SSC5D: variants seen among roughly 807,000 people sequenced by gnomAD.
SSC5D encodes the protein scavenger receptor cysteine rich family member with 5 domains, also known as soluble scavenger receptor cysteine-rich domain-containing protein SSC5D.
SSC5D carries 106 observed loss-of-function variants against 104.6 expected under a neutral mutation model. The ratio of observed to expected loss-of-function variants is 1.01; its 90% CI spans 0.87 to 1.19. The LOEUF is 1.19. Among genes scored for constraint, SSC5D ranks in the 50% most tolerant of loss-of-function variants. The pLI is 0.00. For missense variants in SSC5D, 1,993 were observed against 2,153.8 expected (o/e 0.93, Z 1.48); for synonymous variants, 860 against 883.5 (o/e 0.97, Z 0.47).
intron 12 of SSC5D, among the ~76,000 whole-genome samples, chr19:55,510,702 TTC>T (rs1227369228): frequency 6.6e-6 from 1 of 151,938 alleles, no homozygotes; most frequent in Non-Finnish European, 1.5e-5. Context: ...GGACTATTTT[TTC>T]TTTTTTCTTT....
chr19:55,502,520 C>A (rs545872591), intron 12 of SSC5D, among the ~76,000 whole-genome samples: 1 of 151,958 alleles, frequency 6.6e-6, no homozygotes, highest in Non-Finnish European at 1.5e-5. Flanking sequence ...GTTTCATTAT[C>A]AGTCTCACAC....
At chr19:55,511,020 CT>C in intron 12 of SSC5D, among the ~76,000 whole-genome samples, 1 of 152,194 alleles carries the variant, frequency 6.6e-6, no homozygotes, top group East Asian at 1.9e-4. Context: ...CTCAGGTGAT[CT>C]GCCTGCCTCG....
At chr19:55,508,252 G>A (rs1260358424) in intron 12 of SSC5D, among the ~76,000 whole-genome samples, 1 of 152,168 alleles carries the variant, frequency 6.6e-6, no homozygotes, top group African/African-American at 2.4e-5. Flanking sequence ...CTGGGAAGCC[G>A]GGGAGACCCG....
intron 3 of SSC5D, 45 bp downstream of exon 3, chr19:55,489,707 A>G: frequency 6.6e-7 from 1 of 1,517,400 alleles, no homozygotes; most frequent in Non-Finnish European, 8.8e-7. Flanking sequence ...TCCTTTGGAG[A>G]TGACCCAGGA....
rs1320066950 is a variant in SSC5D, at chr19:55,493,671, CTGGGGGTCGG to C, written c.975_984del (p.Trp325CysfsTer108). ...GCCTGGAGGTCTGGCACGGGGGTCG[CTGGGGGTCGG>C]TGTGTGACGACGCCTGGGACCTGCG... is the stretch of plus-strand genomic sequence containing the variant. On this transcript the variant is annotated frameshift_variant, in exon 7 of 14. Coordinates refer to ENST00000389623, the MANE Select transcript of SSC5D (RefSeq NM_001144950.2). LOFTEE classifies it high-confidence loss of function. The C allele has an allele frequency of 1.3e-6, 2 of 1,508,524 alleles. No individual in the cohort carries two copies. Among genetic ancestry groups the C allele is most frequent in the Non-Finnish European group, 8.8e-7 (1 of 1,135,298 alleles). 93.4% of individuals were successfully genotyped at this position (1,508,524 alleles called of 1,614,324 possible).
At chr19:55,502,852 G>A (rs1987541794) in intron 12 of SSC5D, among the ~76,000 whole-genome samples, 1 of 151,910 alleles carries the variant, frequency 6.6e-6, no homozygotes, top group Non-Finnish European at 1.5e-5. Context: ...GTCTTGCTGT[G>A]TTGCCCAGGC....
intron 8 of SSC5D, 140 bp from the exon 9 acceptor site, chr19:55,497,740 C>T: frequency 1.2e-6 from 1 of 839,708 alleles, no homozygotes; most frequent in Non-Finnish European, 1.8e-6. Context: ...TACTTGCTGC[C>T]TGGAGGAAAG....
At chr19:55,493,994 G>A in intron 7 of SSC5D, 82 bp downstream of exon 7, 3 of 143,312 alleles carry the variant, frequency 2.1e-5, no homozygotes, top group Non-Finnish European at 2.9e-5. Flanking sequence ...GGGCGGGGGG[G>A]TCCCTACGCG....
chr19:55,494,894 G>A, intron 8 of SSC5D, 111 bp downstream of exon 8: 2 of 1,250,402 alleles, frequency 1.6e-6, no homozygotes, highest in South Asian at 1.7e-5. Context: ...GTGGAGAAGA[G>A]GAGCACAGGG....
intron 12 of SSC5D, among the ~76,000 whole-genome samples, chr19:55,507,926 C>T (rs1987674891): frequency 6.6e-6 from 1 of 151,884 alleles, no homozygotes; most frequent in African/African-American, 2.4e-5. Context: ...ATCAGGGTGG[C>T]AGTGGAGACC....
At chr19:55,510,106 T>G (rs957931926) in intron 12 of SSC5D, among the ~76,000 whole-genome samples, 14 of 151,976 alleles carry the variant, frequency 9.2e-5, no homozygotes, top group African/African-American at 3.1e-4. Flanking sequence ...CAAGTGATTC[T>G]CATGCCTCAG....
rs114205326 is a variant in SSC5D at position 55,500,542 on chromosome 19, G to A, written c.2355G>A (p.Leu785=). ...ADGPNRCAGR[L]EVWHAGRWGT... is the part of the protein sequence containing the mutation. ...GGCCCAACCGCTGTGCTGGCCGGCT[G>A]GAAGTGTGGCATGCCGGACGCTGGG... The change falls in exon 11 of 14, where the codon CTG becomes CTA. Residue 785 remains leucine (L), a synonymous_variant. Coordinates refer to ENST00000389623, the MANE Select transcript of SSC5D (RefSeq NM_001144950.2). This position sits in a 1 kb window ranked among gnomAD's most constrained non-coding sequence, Gnocchi z 4.6. 1.7e-3 allele frequency: 2,593 copies of A among 1,551,734 alleles called. 43 individuals carry two copies. In the African/African-American group the frequency reaches 0.031, roughly 19 times the overall value.
intron 9 of SSC5D, 34 bp from the exon 10 acceptor site, chr19:55,499,782 T>C: frequency 6.6e-7 from 1 of 1,513,514 alleles, no homozygotes; most frequent in Non-Finnish European, 9.0e-7. Flanking sequence ...TCATGGTGTC[T>C]CTGTCTTCTC....
intron 12 of SSC5D, among the ~76,000 whole-genome samples, chr19:55,502,734 C>G (rs533167657): frequency 6.6e-6 from 1 of 152,166 alleles, no homozygotes; most frequent in African/African-American, 2.4e-5. Flanking sequence ...CAGTTCACTG[C>G]AGCCTTGAAC....
At chr19:55,489,793 C>T in intron 3 of SSC5D, 89 bp from the exon 4 acceptor site, 1 of 1,477,842 alleles carries the variant, frequency 6.8e-7, no homozygotes, top group Non-Finnish European at 9.2e-7. Context: ...CCCTCCAAAG[C>T]CAGGTGGCTA....
intron 12 of SSC5D, among the ~76,000 whole-genome samples, chr19:55,504,642 A>G (rs1476126912): frequency 9.9e-5 from 15 of 152,180 alleles, no homozygotes; most frequent in African/African-American, 3.1e-4. Flanking sequence ...CTGGGATTAC[A>G]GGCGCACGCC....
chr19:55,496,814 G>A (rs968195011), intron 8 of SSC5D, among the ~76,000 whole-genome samples: 1 of 148,170 alleles, frequency 6.7e-6, no homozygotes, highest in South Asian at 2.2e-4. Flanking sequence ...GCAGTGGCAC[G>A]ATCTTGGCTC....
chr19:55,495,211 C>A (rs1358159717), intron 8 of SSC5D, among the ~76,000 whole-genome samples: 1 of 53,030 alleles, frequency 1.9e-5, no homozygotes, highest in Non-Finnish European at 3.5e-5. Context: ...CTGCCTGCCT[C>A]CTTTCATATA....
chr19:55,490,956 A>G lies in SSC5D; in HGVS notation c.771A>G (p.Ala257=). The change falls in exon 6 of 14, where the codon GCA becomes GCG. Residue 257 remains alanine, a synonymous_variant. Coordinates refer to ENST00000389623, the MANE Select transcript of SSC5D (RefSeq NM_001144950.2). ...GCGGTGCCAGATTCGGGCCTGGTGC[A>G]GGGCCCGTGTGGATGGACGATGTGG... is the stretch of plus-strand genomic sequence containing the variant. ...APGGARFGPG[A]GPVWMDDVGC... 1 of 1,545,706 alleles carries G rather than the reference A, an allele frequency of 6.5e-7. No homozygotes were observed. The highest frequency in any genetic ancestry group is 8.7e-7 in the Non-Finnish European group (1 of 1,144,588).
Sources: gnomAD v4.1 joint callset for allele counts (sites outside exome capture counted in the v4.1 genomes callset) on GRCh38, gnomAD v4.1.1 for gene constraint, Gnocchi (gnomAD v3.1) non-coding constraint, MANE v1.5 for transcripts, NCBI Gene and HGNC (gene_info 2026-07-23, HGNC 2026-07-21) for gene names.